The following GAS2L2 variants were observed in gnomAD, a reference collection of about 807,000 sequenced individuals.
The protein encoded by GAS2L2 is GAS2-like protein 2.
In GAS2L2, 21 loss-of-function variants were observed where a neutral mutation model predicts 35.2. The ratio of observed to expected loss-of-function variants is 0.60; its 90% CI spans 0.42 to 0.86. GAS2L2 has a LOEUF of 0.86. GAS2L2 is among the 40% of genes least tolerant of loss of function. GAS2L2 has a pLI of 0.00. For synonymous variants in GAS2L2, 490 were observed against 473.2 expected (o/e 1.04, Z -0.46); for missense variants, 1,169 against 1,144.4 (o/e 1.02, Z -0.31).
At chr17:35,746,923 C>A in intron 5 of GAS2L2, 93 bp downstream of exon 5, 1 of 1,334,108 alleles carries the variant, frequency 7.5e-7, no homozygotes, top group African/African-American at 1.5e-5. Context: ...GAGGCACTGC[C>A]GAGGATCTGC....
chr17:35,745,271 C>G lies in GAS2L2; in HGVS notation c.2226G>C (p.Ser742=). Reference sequence around the variant, plus strand: ...CTTTGTCAGAGTTGGGGTCCAAGGGCGAAGGTGTGGGGGCCTCCGGGCTGG... The same window carrying G: ...CTTTGTCAGAGTTGGGGTCCAAGGGGGAAGGTGTGGGGGCCTCCGGGCTGG... ...VSASPEAPTP[S]PLDPNSDKAK... The change falls in exon 6 of 6, where the codon TCG becomes TCC. Residue 742 remains serine (S), a synonymous_variant. Coordinates refer to ENST00000604641, the MANE Select transcript of GAS2L2 (RefSeq NM_139285.4). The G allele has an allele frequency of 6.2e-7, 1 of 1,610,410 alleles. No homozygotes were observed. Among genetic ancestry groups the G allele is most frequent in the Non-Finnish European group, 8.5e-7 (1 of 1,177,856 alleles).
chr17:35,746,223 G>C lies in GAS2L2; in HGVS notation c.1274C>G (p.Thr425Arg), dbSNP rs140607972. ...CCCGGCGTCGGTTCCCCAGCTGTCT[G>C]TTTCTTCATGAACCCAAGATGTGGG... The part of the protein sequence containing the change: ...RIPTSWVHEE[T>R]DSWGTDAGNP... The change falls in exon 6 of 6, where the codon ACA becomes AGA. Residue 425 changes from threonine (T) to arginine (R), a missense_variant. Physicochemically the swap from Thr to Arg is moderately conservative, Grantham distance 71. Transcript: ENST00000604641. 12 of 1,479,038 alleles carry C rather than the reference G, an allele frequency of 8.1e-6. No homozygotes were observed. In the African/African-American group the frequency reaches 1.5e-4, roughly 19 times the overall value. 91.6% of individuals were successfully genotyped at this position (1,479,038 alleles called of 1,614,324 possible). A position where few individuals can be genotyped will look rare whatever the true frequency, so the allele number is the denominator to read the frequency against.
intron 5 of GAS2L2, among the ~76,000 whole-genome samples, chr17:35,746,631 G>A (rs1555599027): frequency 1.3e-5 from 2 of 152,190 alleles, no homozygotes; most frequent in South Asian, 4.1e-4. Context: ...CTTGTTCCCT[G>A]TGTAGCAGAT....
At chr17:35,748,442 G>A (rs1175023666) in intron 3 of GAS2L2, among the ~76,000 whole-genome samples, 1 of 152,226 alleles carries the variant, frequency 6.6e-6, no homozygotes, top group East Asian at 1.9e-4. Flanking sequence ...TCTAGGGGAG[G>A]GCCCAGAGAG....
intron 4 of GAS2L2, among the ~76,000 whole-genome samples, chr17:35,747,621 C>T (rs1240289969): frequency 3.3e-5 from 5 of 152,254 alleles, no homozygotes; most frequent in Admixed American, 6.5e-5. Flanking sequence ...TAAAATGCAC[C>T]GTGGCCAAAT....
chr17:35,751,310 C>T (rs1337685941), intron 1 of GAS2L2, among the ~76,000 whole-genome samples: 3 of 152,148 alleles, frequency 2.0e-5, no homozygotes, highest in African/African-American at 7.2e-5. Context: ...GCTTTTTCTG[C>T]GCCTTTGCCC....
chr17:35,744,810 G>T lies in GAS2L2; in HGVS notation c.*44C>A. 2 of 1,408,140 alleles carry T rather than the reference G, an allele frequency of 1.4e-6. No homozygotes were observed. Among genetic ancestry groups the T allele is most frequent in the South Asian group, 1.3e-5 (1 of 74,952 alleles). The allele number at this position is 1,408,140 out of a possible 1,614,324, so 87.2% of individuals were successfully genotyped here. A position where few individuals can be genotyped will look rare whatever the true frequency, so the allele number is the denominator to read the frequency against. The stretch of plus-strand genomic sequence containing the variant: ...GCAGCTGTGAATCCAGTGTATACAT[G>T]GCCATCCTTTTTGCTTCCCTCCTAC... On this transcript the variant is annotated 3_prime_UTR_variant, in exon 6 of 6. Coordinates refer to ENST00000604641, the MANE Select transcript of GAS2L2 (RefSeq NM_139285.4).
rs373769097 is a variant in GAS2L2 at position 35,745,978 on chromosome 17, G to C, written c.1519C>G (p.Leu507Val). Residue 507 changes from leucine (L) to valine (V), a missense_variant, in exon 6 of 6, where the codon CTG (leucine) becomes GTG (valine). By Grantham distance (32) the Leu-to-Val change is conservative (BLOSUM62 1). Transcript: ENST00000604641. ...GGTGTTGGGGGGCGAGCAGGGGGCA[G>C]CCGGATGGGGATCTTGGTTAGGCCT... The part of the protein sequence containing the change: ...VQGLTKIPIR[L>V]PPARPPTPGR... 6.3e-7 allele frequency: 1 copy of C among 1,598,454 alleles called. No homozygotes were observed.
rs1555599975 is a variant in GAS2L2 at position 35,752,778 on chromosome 17, T to C, written c.73A>G (p.Lys25Glu). Reference protein sequence around the residue: ...GPPVCSIRPFKSSEQYLEAMK... With the variant: ...GPPVCSIRPFESSEQYLEAMK... The stretch of plus-strand genomic sequence containing the variant: ...GCCTCCAGGTACTGCTCACTCGACT[T>C]GAAAGGCCGGATACTGCACACAGGC... Residue 25 changes from lysine (K) to glutamate (E), a missense_variant, in exon 1 of 6, where the codon AAG (lysine) becomes GAG (glutamate). By Grantham distance (56) the Lys-to-Glu change is moderately conservative. This residue lies in a region of GAS2L2 where 127 missense variants were observed against 146.1 expected (regional missense o/e 0.87). Transcript: ENST00000604641. The C allele has an allele frequency of 1.2e-6, 2 of 1,613,782 alleles. No homozygotes were observed. Among genetic ancestry groups the C allele is most frequent in the South Asian group, 1.1e-5 (1 of 91,088 alleles).
chr17:35,747,355 T>C, intron 4 of GAS2L2, 87 bp from the exon 5 acceptor site: 29 of 1,419,742 alleles, frequency 2.0e-5, no homozygotes, highest in Non-Finnish European at 2.7e-5. Context: ...AGTGGTCCCA[T>C]GCCCCGCATC....
Position 35,747,300 on chromosome 17 carries a change from GAGA to G in GAS2L2, c.833-35_833-33del, listed in dbSNP as rs782411451. 7 of 1,580,520 alleles carry G rather than the reference GAGA, an allele frequency of 4.4e-6. No homozygotes were observed. The African/African-American group carries it at 9.4e-5, about 21-fold the overall frequency. On this transcript the variant is annotated intron_variant, in intron 4 of 5. Transcript: ENST00000604641. ...ACAGTCCCCCGGAGAAAGGAGAGGA[GAGA>G]AGGGTTCAGTTCCTGCCAATGGGGA...
At position 35,753,084 on chromosome 17, in the gene GAS2L2, C is replaced by T. The variant is rs1555600031; in HGVS notation, c.-234G>A. Among the ~76,000 whole-genome samples the T allele has an allele frequency of 1.3e-5, 2 of 152,200 alleles. No homozygotes were observed. The highest frequency in any genetic ancestry group is 2.1e-4 in the South Asian group (1 of 4,826). On this transcript the variant is annotated 5_prime_UTR_variant, in exon 1 of 6. Transcript: ENST00000604641. ...CCTTGCCAGAGCTTTCCCTGGTGGC[C>T]CTGCAGCAACCTTGCTCTCAGGCTG...
At position 35,746,206 on chromosome 17, in the gene GAS2L2, C is replaced by T. The variant is rs202100272; in HGVS notation, c.1291G>A (p.Asp431Asn). Reference sequence around the variant, plus strand: ...CTTTGTGGGGTGGGGTTCCCGGCGTCGGTTCCCCAGCTGTCTGTTTCTTCA... The same window carrying T: ...CTTTGTGGGGTGGGGTTCCCGGCGTTGGTTCCCCAGCTGTCTGTTTCTTCA... ...VHEETDSWGT[D>N]AGNPTPQRLR... Residue 431 changes from aspartate to asparagine, a missense_variant, in exon 6 of 6, where the codon GAC becomes AAC. By Grantham distance (23) the Asp-to-Asn change is conservative. This residue lies in a region of GAS2L2 where 1,035 missense variants were observed against 976.5 expected (regional missense o/e 1.06). Transcript: ENST00000604641. 5.3e-5 allele frequency: 78 copies of T among 1,479,148 alleles called. No individual in the cohort carries two copies. Among genetic ancestry groups the T allele is most frequent in the Non-Finnish European group, 6.2e-5 (69 of 1,113,518 alleles). The allele number at this position is 1,479,148 out of a possible 1,614,324, so 91.6% of individuals were successfully genotyped here.
Position 35,747,931 on chromosome 17 carries a change from A to T in GAS2L2, c.750T>A (p.His250Gln). The change falls in exon 4 of 6, where the codon CAT becomes CAA. Residue 250 changes from histidine (H) to glutamine (Q), a missense_variant. Physicochemically the swap from His to Gln is conservative, Grantham distance 24. Coordinates refer to ENST00000604641, the MANE Select transcript of GAS2L2 (RefSeq NM_139285.4). ...TLIFIRILRN[H>Q]VMVRVGGGWD... ...AGCCGCCCCCTACACGTACCATCAC[A>T]TGGTTCCGGAGGATCTGAGGGGGCA... is the stretch of plus-strand genomic sequence containing the variant. 1 of 1,613,602 alleles carries T rather than the reference A, an allele frequency of 6.2e-7. No individual in the cohort carries two copies. Among genetic ancestry groups the T allele is most frequent in the Non-Finnish European group, 8.5e-7 (1 of 1,179,786 alleles).
At chr17:35,750,352 A>G in intron 1 of GAS2L2, 34 bp from the exon 2 acceptor site, 1 of 1,613,638 alleles carries the variant, frequency 6.2e-7, no homozygotes, top group Non-Finnish European at 8.5e-7. Context: ...GGGCAGAGGC[A>G]GCGTGAGCCC....
chr17:35,750,243 A>G lies in GAS2L2; in HGVS notation c.461T>C (p.Leu154Pro). ...VKNVVLCLLE[L>P]GRRAWRFGVA... Reference sequence around the variant, plus strand: ...ACCAAAGCGCCACGCCCGGCGGCCCAGCTCCAGCAAACACAGCACCACGTT... The same window carrying G: ...ACCAAAGCGCCACGCCCGGCGGCCCGGCTCCAGCAAACACAGCACCACGTT... Residue 154 changes from leucine to proline, a missense_variant, in exon 2 of 6, where the codon CTG (leucine) becomes CCG (proline). Around this residue, in one of 3 missense-constraint regions of GAS2L2, gnomAD observed 1,035 missense variants for 976.5 expected, o/e 1.06. Coordinates refer to ENST00000604641, the MANE Select transcript of GAS2L2 (RefSeq NM_139285.4). 6.2e-7 allele frequency: 1 copy of G among 1,614,030 alleles called. No individual in the cohort carries two copies. The highest frequency in any genetic ancestry group is 8.5e-7 in the Non-Finnish European group (1 of 1,179,946).
At chr17:35,751,002 C>A (rs1428188846) in intron 1 of GAS2L2, among the ~76,000 whole-genome samples, 1 of 152,218 alleles carries the variant, frequency 6.6e-6, no homozygotes, top group Non-Finnish European at 1.5e-5. Context: ...CTTCTATTAA[C>A]CTTCCAATTC....
Position 35,750,345 on chromosome 17 carries a change from C to CA in GAS2L2, c.386-28dup, listed in dbSNP as rs1555599631. ...TGGAGTGGAGGCGGGGAGAAAAGGG[C>CA]AGAGGCAGCGTGAGCCCCCAGAGGA... On this transcript the variant is annotated intron_variant, in intron 1 of 5. Coordinates refer to ENST00000604641, the MANE Select transcript of GAS2L2 (RefSeq NM_139285.4). 2.5e-6 allele frequency: 4 copies of CA among 1,613,760 alleles called. No individual in the cohort carries two copies. In the South Asian group the frequency reaches 4.4e-5, roughly 18 times the overall value.
At chr17:35,752,161 T>C (rs1023613762) in intron 1 of GAS2L2, among the ~76,000 whole-genome samples, 25 of 152,228 alleles carry the variant, frequency 1.6e-4, no homozygotes, top group African/African-American at 5.5e-4. Flanking sequence ...CATGAATTTG[T>C]TGGGCGCTGG....
Sources: allele counts gnomAD v4.1 joint callset (sites outside exome capture counted in the v4.1 genomes callset), GRCh38; gene constraint gnomAD v4.1.1; regional missense constraint gnomAD v4.1.1; transcripts MANE v1.5; gene names NCBI Gene and HGNC (gene_info 2026-07-23, HGNC 2026-07-21).